Variants in MACROH2A2 observed in about 807,000 individuals in gnomAD.
MACROH2A2 encodes the protein core histone macro-H2A.2.
In MACROH2A2, 6 loss-of-function variants were observed where a neutral mutation model predicts 37.6. That is an observed-to-expected ratio of 0.16 (90% confidence interval 0.09 to 0.32). MACROH2A2 has a LOEUF of 0.32. Among genes scored for constraint, MACROH2A2 ranks in the 10% least tolerant of loss-of-function variants. The probability of loss-of-function intolerance (pLI) is 1.00; values close to 1 mark genes in which losing one functional copy is unlikely to be tolerated. For missense variants in MACROH2A2, 290 were observed against 485.9 expected (o/e 0.60, Z 3.79); for synonymous variants, 192 against 202.7 (o/e 0.95, Z 0.45).
Position 70,067,940 on chromosome 10 carries a change from T to G in MACROH2A2, c.-59-7660T>G, listed in dbSNP as rs191117180. 1.8e-3 allele frequency among the ~76,000 whole-genome samples: 279 copies of G among 152,330 alleles called. 3 individuals are homozygous for G. The highest frequency in any genetic ancestry group is 6.5e-3 in the African/African-American group (269 of 41,556). ...ATCCTTCTTTGGCACAGATAGAGAC[T>G]GTCTAAAAATGAAAATAGATCAAGA... On this transcript the variant is annotated intron_variant, in intron 1 of 8. Coordinates refer to ENST00000373255, the MANE Select transcript of MACROH2A2 (RefSeq NM_018649.3).
chr10:70,110,337 C>T (rs1477691371), intron 8 of MACROH2A2, among the ~76,000 whole-genome samples: 1 of 152,134 alleles, frequency 6.6e-6, no homozygotes, highest in African/African-American at 2.4e-5. Context: ...TTCATTAACC[C>T]CGCCATGCCC....
At chr10:70,095,335 T>G (rs564111040) in intron 5 of MACROH2A2, among the ~76,000 whole-genome samples, 223 of 146,030 alleles carry the variant, frequency 1.5e-3, no homozygotes, top group African/African-American at 5.4e-3. Flanking sequence ...GCCACTGCAC[T>G]CCAGCCTGGG....
At chr10:70,108,503 C>T (rs926083119) in intron 7 of MACROH2A2, among the ~76,000 whole-genome samples, 1 of 152,216 alleles carries the variant, frequency 6.6e-6, no homozygotes, top group Non-Finnish European at 1.5e-5. Context: ...CTTCATCCCA[C>T]GGCCTTCTCC....
chr10:70,078,378 C>T (rs938125897), intron 2 of MACROH2A2, among the ~76,000 whole-genome samples: 10 of 152,206 alleles, frequency 6.6e-5, no homozygotes, highest in Admixed American at 1.3e-4. Flanking sequence ...TCCTGGGCCA[C>T]GTGGAGGAGG....
chr10:70,099,033 A>G (rs1385189662), intron 6 of MACROH2A2: 1 of 152,120 alleles, frequency 6.6e-6, no homozygotes, highest in Admixed American at 6.5e-5. Flanking sequence ...CTGCTTCTCA[A>G]CATGAACTGG....
At chr10:70,089,910 TTC>T in intron 2 of MACROH2A2, 148 bp from the exon 3 acceptor site, 1 of 667,492 alleles carries the variant, frequency 1.5e-6, no homozygotes, top group South Asian at 1.7e-5. Flanking sequence ...CTAACTTGAG[TTC>T]TCTTACGCTT....
intron 4 of MACROH2A2, among the ~76,000 whole-genome samples, chr10:70,092,950 G>A (rs1458947294): frequency 8.6e-5 from 13 of 151,968 alleles, no homozygotes; most frequent in Non-Finnish European, 4.4e-5. Context: ...AGATGCCACT[G>A]ATAGAATAAT....
chr10:70,101,422 A>G (rs975260189), intron 7 of MACROH2A2, among the ~76,000 whole-genome samples: 1 of 152,176 alleles, frequency 6.6e-6, no homozygotes, highest in Non-Finnish European at 1.5e-5. Context: ...CCTGGATTCT[A>G]TCCAAGCCAC....
intron 5 of MACROH2A2, among the ~76,000 whole-genome samples, chr10:70,095,367 CAA>C (rs1188963876): frequency 1.9e-4 from 13 of 67,908 alleles, no homozygotes; most frequent in Non-Finnish European, 1.9e-4. Context: ...GACTCCGTCT[CAA>C]AAAAAAAAAA....
chr10:70,066,151 C>A (rs1474763920), intron 1 of MACROH2A2, among the ~76,000 whole-genome samples: 2 of 152,006 alleles, frequency 1.3e-5, no homozygotes, highest in African/African-American at 4.8e-5. Context: ...CCAGCCTGGG[C>A]AACATAGTGA....
intron 1 of MACROH2A2, among the ~76,000 whole-genome samples, chr10:70,059,886 A>ATGGTG (rs901556106): frequency 4.6e-5 from 7 of 151,944 alleles, no homozygotes; most frequent in Admixed American, 3.9e-4. Context: ...CACAGAGAGG[A>ATGGTG]TGGTGTGGTG....
chr10:70,100,384 G>A, intron 7 of MACROH2A2, 87 bp downstream of exon 7: 1 of 705,220 alleles, frequency 1.4e-6, no homozygotes, highest in Non-Finnish European at 2.5e-6. Context: ...TGCCTATTCA[G>A]CTTATGAGTC....
chr10:70,075,900 C>A lies in MACROH2A2; in HGVS notation c.172+70C>A. On this transcript the variant is annotated intron_variant, in intron 2 of 8. Coordinates refer to ENST00000373255, the MANE Select transcript of MACROH2A2 (RefSeq NM_018649.3). The surrounding 1 kb of genome is among the most constrained non-coding windows in gnomAD (Gnocchi z 5.0). ...CCCTCCCCTGGGTCCCCCTCGCAGG[C>A]TGGGGAGGGATGCTCCAAATTGCCT... 7.5e-7 allele frequency: 1 copy of A among 1,341,580 alleles called. No individual in the cohort carries two copies. The highest frequency in any genetic ancestry group is 2.4e-5 in the East Asian group (1 of 40,952). 83.1% of individuals were successfully genotyped at this position (1,341,580 alleles called of 1,614,324 possible). A position where few individuals can be genotyped will look rare whatever the true frequency, so the allele number is the denominator to read the frequency against.
At chr10:70,066,830 A>G (rs1403442840) in intron 1 of MACROH2A2, among the ~76,000 whole-genome samples, 1 of 152,196 alleles carries the variant, frequency 6.6e-6, no homozygotes, top group Non-Finnish European at 1.5e-5. Flanking sequence ...ACACCTTCCC[A>G]GCTGAGACTG....
At chr10:70,062,878 G>T (rs1011183814) in intron 1 of MACROH2A2, among the ~76,000 whole-genome samples, 2 of 152,152 alleles carry the variant, frequency 1.3e-5, no homozygotes, top group African/African-American at 4.8e-5. Flanking sequence ...GGTACTCAGG[G>T]GAAAGGTGGG....
At chr10:70,054,253 G>A (rs551617623) in intron 1 of MACROH2A2, among the ~76,000 whole-genome samples, 1 of 152,228 alleles carries the variant, frequency 6.6e-6, no homozygotes, top group Non-Finnish European at 1.5e-5. Flanking sequence ...GGCGCGAGAA[G>A]AAATGGGCTG....
At chr10:70,066,810 C>T (rs75897996) in intron 1 of MACROH2A2, among the ~76,000 whole-genome samples, 1,891 of 152,288 alleles carry the variant, frequency 0.012, 21 homozygotes, top group Non-Finnish European at 0.019. Context: ...ACATCTTAGT[C>T]GCCACAAGCA....
intron 5 of MACROH2A2, among the ~76,000 whole-genome samples, chr10:70,095,328 A>G (rs1350909630): frequency 6.6e-6 from 1 of 151,190 alleles, no homozygotes; most frequent in Non-Finnish European, 1.5e-5. Flanking sequence ...AGATCACGCC[A>G]CTGCACTCCA....
In MACROH2A2 at chr10:70,075,761, G is replaced by A; in HGVS notation, c.103G>A (p.Gly35Arg). The A allele has an allele frequency of 6.2e-7, 1 of 1,614,064 alleles. No homozygotes were observed. Among genetic ancestry groups the A allele is most frequent in the Non-Finnish European group, 8.5e-7 (1 of 1,179,956 alleles). ...GAGGCTGATGCGTTATCTGAAGAAAGGGACGTTCAAGTACCGGATCAGCGT... is the reference window on the plus strand; with the variant it reads ...GAGGCTGATGCGTTATCTGAAGAAAAGGACGTTCAAGTACCGGATCAGCGT... ...VGRLMRYLKK[G>R]TFKYRISVGA... The change falls in exon 2 of 9, where the codon GGG becomes AGG. Residue 35 changes from glycine (G) to arginine (R), a missense_variant. Coordinates refer to ENST00000373255, the MANE Select transcript of MACROH2A2 (RefSeq NM_018649.3). The surrounding 1 kb of genome is among the most constrained non-coding windows in gnomAD (Gnocchi z 5.0).
Sources: gnomAD v4.1 joint callset for allele counts (sites outside exome capture counted in the v4.1 genomes callset) on GRCh38, gnomAD v4.1.1 for gene constraint, Gnocchi (gnomAD v3.1) non-coding constraint, MANE v1.5 for transcripts, NCBI Gene and HGNC (gene_info 2026-07-23, HGNC 2026-07-21) for gene names.